Variants in MUC4 observed in about 807,000 individuals in gnomAD.
MUC4 encodes the protein mucin-4.
A neutral mutation model predicts 257.9 loss-of-function variants in MUC4; 202 were observed. The observed-to-expected ratio is 0.78, with a 90% CI of 0.70 to 0.88. The LOEUF (loss-of-function observed/expected upper bound fraction) is 0.88. Among genes scored for constraint, MUC4 ranks in the 40% least tolerant of loss-of-function variants. The pLI is 0.00. For synonymous variants in MUC4, 2,351 were observed against 2,757.1 expected, an observed-to-expected ratio of 0.85 and a Z score of 4.62; for missense variants, 5,976 against 6,513.7, an observed-to-expected ratio of 0.92 and a Z score of 2.84.
At position 195,811,876 on chromosome 3, in the gene MUC4, T is replaced by A; in HGVS notation, c.-59A>T. ...AAGCTCCACGGCCCAGCAGCTGCAG[T>A]GTGAGGAGCAGACGTGAGCCCGTCC... On this transcript the variant is annotated 5_prime_UTR_variant, in exon 1 of 25. Transcript: ENST00000463781. 2 of 1,550,834 alleles carry A rather than the reference T, an allele frequency of 1.3e-6. No homozygotes were observed. The highest frequency in any genetic ancestry group is 1.8e-4 in the Middle Eastern group (1 of 5,514).
chr3:195,771,073 T>A (rs1722743673), intron 5 of MUC4, among the ~76,000 whole-genome samples: 1 of 140,416 alleles, frequency 7.1e-6, no homozygotes, highest in Non-Finnish European at 1.6e-5. Flanking sequence ...TCCTGGTCAG[T>A]CTCGTGGCCG....
At chr3:195,766,586 G>C (rs1327044880) in intron 8 of MUC4, 77 bp downstream of exon 8, 2 of 1,323,696 alleles carry the variant, frequency 1.5e-6, no homozygotes, top group Middle Eastern at 1.9e-4. Flanking sequence ...GTGCCCTCTA[G>C]GACTGCGATG....
In MUC4 at chr3:195,753,034, G is replaced by C; in HGVS notation, c.15508+17C>G. 6.2e-7 allele frequency: 1 copy of C among 1,606,180 alleles called. No homozygotes were observed. Among genetic ancestry groups the C allele is most frequent in the Non-Finnish European group, 8.5e-7 (1 of 1,176,594 alleles). On this transcript the variant is annotated intron_variant, in intron 20 of 24. Transcript: ENST00000463781. ...AGGAAGAGTGCGGGGGTGAGAGGGC[G>C]GGGTCTCTGGCGGTACCTAGGTTGA...
chr3:195,762,387 CGGA>C (rs1719203083), intron 13 of MUC4, 133 bp from the exon 14 acceptor site: 1 of 1,011,612 alleles, frequency 9.9e-7, no homozygotes, highest in Non-Finnish European at 1.4e-6. Context: ...GCACTGGAGG[CGGA>C]GAAGAGGCCG....
intron 3 of MUC4, 130 bp from the exon 4 acceptor site, chr3:195,774,435 G>C (rs1723883140): frequency 1.7e-6 from 2 of 1,162,580 alleles, no homozygotes; most frequent in Non-Finnish European, 2.3e-6. Context: ...CCCAGAGGCA[G>C]CCATCTAGGG....
rs751219080 is a variant in MUC4 at position 195,789,210 on chromosome 3, C to A, written c.2370G>T (p.Pro790=). ...AGGTGGTTCGTGACCCTGAGGAGGC[C>A]GGTTCGCTGGTCTGTGTTTGTCCAG... The part of the protein sequence containing the change: ...EASGQTQTSE[P]ASSGSRTTSA... Residue 790 remains proline (P), a synonymous_variant, in exon 2 of 25, where the codon CCG becomes CCT. Coordinates refer to ENST00000463781, the MANE Select transcript of MUC4 (RefSeq NM_018406.7). The A allele has an allele frequency of 6.2e-7, 1 of 1,613,750 alleles. No individual in the cohort carries two copies. Among genetic ancestry groups the A allele is most frequent in the South Asian group, 1.1e-5 (1 of 91,066 alleles).
At chr3:195,794,122 A>C (rs113026799) in intron 1 of MUC4, among the ~76,000 whole-genome samples, 7 of 55,694 alleles carry the variant, frequency 1.3e-4, no homozygotes, top group African/African-American at 2.4e-4. Flanking sequence ...TAGATATTAA[A>C]TAAATAAAGA....
At chr3:195,798,065 C>T (rs960507154) in intron 1 of MUC4, among the ~76,000 whole-genome samples, 2 of 152,140 alleles carry the variant, frequency 1.3e-5, no homozygotes, top group African/African-American at 4.8e-5. Flanking sequence ...CTGCAGTGAG[C>T]TATGATCACC....
chr3:195,760,157 G>T (rs1339395782), intron 16 of MUC4, among the ~76,000 whole-genome samples: 1 of 152,126 alleles, frequency 6.6e-6, no homozygotes, highest in Non-Finnish European at 1.5e-5. Flanking sequence ...TAATTAAAAA[G>T]ATACCTGTGA....
intron 9 of MUC4, 53 bp from the exon 10 acceptor site, chr3:195,765,175 G>A (rs1720162025): frequency 2.5e-6 from 4 of 1,589,526 alleles, no homozygotes; most frequent in East Asian, 4.5e-5. Context: ...CAGGGGCGGG[G>A]TGGGAACAAG....
chr3:195,756,658 T>C (rs1717732462), intron 18 of MUC4, among the ~76,000 whole-genome samples: 1 of 151,018 alleles, frequency 6.6e-6, no homozygotes, highest in African/African-American at 2.4e-5. Context: ...TTTCTTTTCT[T>C]TTCTTTTCTT....
intron 1 of MUC4, among the ~76,000 whole-genome samples, chr3:195,804,406 G>A (rs754204589): frequency 3.1e-4 from 47 of 152,218 alleles, no homozygotes; most frequent in Non-Finnish European, 4.7e-4. Flanking sequence ...TCGGGAGAAG[G>A]AGTGGCAGCA....
In MUC4 at chr3:195,782,793, A is replaced by T; in HGVS notation, c.8787T>A (p.Leu2929=). ...ATACTGAGGAAAGGCTGGTGACAGG[A>T]AGAGGGGTGGCCTGACCTGTGGATG... ...SSASTGQATP[L]PVTSLSSVST... Residue 2929 remains leucine, a synonymous_variant, in exon 2 of 25, where the codon CTT becomes CTA. Coordinates refer to ENST00000463781, the MANE Select transcript of MUC4 (RefSeq NM_018406.7). The T allele has an allele frequency of 5.3e-6, 8 of 1,515,744 alleles. No homozygotes were observed. Among genetic ancestry groups the T allele is most frequent in the Non-Finnish European group, 6.2e-6 (7 of 1,127,632 alleles). The allele number at this position is 1,515,744 out of a possible 1,614,324, so 93.9% of individuals were successfully genotyped here.
Position 195,790,855 on chromosome 3 carries a change from G to A in MUC4, c.725C>T (p.Ser242Leu). Reference sequence around the variant, plus strand: ...GAGGGATGAGGTAGCTGTTTCACCTGAAGGAGATGTCTTCTGAGAAACAGT... The same window carrying A: ...GAGGGATGAGGTAGCTGTTTCACCTAAAGGAGATGTCTTCTGAGAAACAGT... ...TGTVSQKTSP[S>L]GETATSSLCS... Residue 242 changes from serine to leucine, a missense_variant, in exon 2 of 25, where the codon TCA (serine) becomes TTA (leucine). Transcript: ENST00000463781. The A allele has an allele frequency of 6.2e-7, 1 of 1,613,948 alleles. No individual in the cohort carries two copies. Among genetic ancestry groups the A allele is most frequent in the African/African-American group, 1.3e-5 (1 of 75,010 alleles).
chr3:195,751,149 CTGGGGG>C, intron 22 of MUC4, 37 bp from the exon 23 acceptor site: 2 of 556,690 alleles, frequency 3.6e-6, no homozygotes, highest in South Asian at 2.2e-5. Flanking sequence ...GGGTGGGGGG[CTGGGGG>C]TGGGGGATGA....
intron 24 of MUC4, among the ~76,000 whole-genome samples, chr3:195,747,962 C>T (rs1350747044): frequency 6.6e-6 from 1 of 152,334 alleles, no homozygotes; most frequent in Non-Finnish European, 1.5e-5. Flanking sequence ...CGCAGTCACA[C>T]CCCCGCCCCA....
rs1469157905 is a variant in MUC4 at position 195,762,858 on chromosome 3, C to G, written c.14341G>C (p.Gly4781Arg). The change falls in exon 13 of 25, where the codon GGA becomes CGA. Residue 4781 changes from glycine (G) to arginine (R), a missense_variant. Physicochemically the swap from Gly to Arg is moderately radical, Grantham distance 125. Coordinates refer to ENST00000463781, the MANE Select transcript of MUC4 (RefSeq NM_018406.7). The part of the protein sequence containing the change: ...VTFQPDHEDG[G>R]GQETFNATGV... Reference sequence around the variant, plus strand: ...CGGCCGGCGCTCCCCAACCTACCTCCGCCGTCTTCATGGTCAGGCTGAAAT... The same window carrying G: ...CGGCCGGCGCTCCCCAACCTACCTCGGCCGTCTTCATGGTCAGGCTGAAAT... 19 of 1,558,776 alleles carry G rather than the reference C, an allele frequency of 1.2e-5. No individual in the cohort carries two copies. Among genetic ancestry groups the G allele is most frequent in the Non-Finnish European group, 1.6e-5 (19 of 1,153,362 alleles).
rs1176208028 is a variant in MUC4, at chr3:195,786,875, G to T, written c.4705C>A (p.Leu1569Ile). 1 of 1,530,606 alleles carries T rather than the reference G, an allele frequency of 6.5e-7. No individual in the cohort carries two copies. Among genetic ancestry groups the T allele is most frequent in the East Asian group, 2.5e-5 (1 of 39,960 alleles). The allele number at this position is 1,530,606 out of a possible 1,614,324, so 94.8% of individuals were successfully genotyped here. A position where few individuals can be genotyped will look rare whatever the true frequency, so the allele number is the denominator to read the frequency against. ...GCTGAGGAAGGGCTGGTGACAGGAA[G>T]AGGGGTGGTGTGACCTGTGGATACT... ...SSVSTGHTTP[L>I]PVTSPSSAST... The change falls in exon 2 of 25, where the codon CTT (leucine) becomes ATT (isoleucine). Residue 1569 changes from leucine (L) to isoleucine (I), a missense_variant. Leu to Ile is a conservative substitution (Grantham distance 5). This residue lies in a region of MUC4 where 63 missense variants were observed against 68.8 expected (regional missense o/e 0.92). Coordinates refer to ENST00000463781, the MANE Select transcript of MUC4 (RefSeq NM_018406.7).
chr3:195,804,753 G>T (rs1290949621), intron 1 of MUC4, among the ~76,000 whole-genome samples: 1 of 152,276 alleles, frequency 6.6e-6, no homozygotes, highest in African/African-American at 2.4e-5. Flanking sequence ...GGCCCGGAAG[G>T]CGCGCAGACG....
Sources: allele counts gnomAD v4.1 joint callset (sites outside exome capture counted in the v4.1 genomes callset), GRCh38; gene constraint gnomAD v4.1.1; regional missense constraint gnomAD v4.1.1; transcripts MANE v1.5; gene names NCBI Gene and HGNC (gene_info 2026-07-23, HGNC 2026-07-21).